UNC5D: variants seen among roughly 807,000 people sequenced by gnomAD.
The protein encoded by UNC5D is unc-5 netrin receptor D.
UNC5D carries 39 observed loss-of-function variants against 105.4 expected under a neutral mutation model. The observed-to-expected ratio is 0.37, with a 90% CI of 0.29 to 0.48. UNC5D has a LOEUF of 0.48. Ranked by LOEUF, UNC5D falls within the 20% of genes least tolerant of loss-of-function variation. The probability of loss-of-function intolerance (pLI) is 0.98; values close to 1 mark genes in which losing one functional copy is unlikely to be tolerated. For missense variants in UNC5D, 991 were observed against 1,202.4 expected, an observed-to-expected ratio of 0.82 and a Z score of 2.60; for synonymous variants, 452 against 450.4, an observed-to-expected ratio of 1.00 and a Z score of -0.04.
At chr8:35,721,326 A>G (rs967706287) in intron 8 of UNC5D, 48 of 677,180 alleles carry the variant, frequency 7.1e-5, no homozygotes, top group African/African-American at 6.3e-4. Context: ...TACAGGAATA[A>G]CCACATCCAA....
chr8:35,554,369 C>G (rs1361712551), intron 2 of UNC5D, among the ~76,000 whole-genome samples: 3 of 152,206 alleles, frequency 2.0e-5, no homozygotes, highest in Admixed American at 2.0e-4. Context: ...TAGTAATGTA[C>G]ACTTGCAGTT....
chr8:35,379,631 C>T (rs1006901048), intron 1 of UNC5D, among the ~76,000 whole-genome samples: 1 of 152,068 alleles, frequency 6.6e-6, no homozygotes, highest in African/African-American at 2.4e-5. Context: ...TCCTATGGAC[C>T]TATCCCTATC....
chr8:35,762,224 T>C (rs1179360180), intron 14 of UNC5D, among the ~76,000 whole-genome samples: 2 of 152,100 alleles, frequency 1.3e-5, no homozygotes, highest in Non-Finnish European at 1.5e-5. Context: ...GTTTTCCCTA[T>C]CAGACACCAG....
intron 1 of UNC5D, among the ~76,000 whole-genome samples, chr8:35,397,380 C>A (rs1441581118): frequency 6.6e-6 from 1 of 152,218 alleles, no homozygotes; most frequent in African/African-American, 2.4e-5. Flanking sequence ...TAAACCTTCA[C>A]AAAATACAAG....
At chr8:35,655,570 C>T (rs962148844) in intron 4 of UNC5D, among the ~76,000 whole-genome samples, 15 of 152,032 alleles carry the variant, frequency 9.9e-5, no homozygotes, top group Non-Finnish European at 2.1e-4. Flanking sequence ...TCAGAGATTC[C>T]CAAAGATAGA....
At chr8:35,386,098 T>C (rs1803378361) in intron 1 of UNC5D, among the ~76,000 whole-genome samples, 1 of 152,236 alleles carries the variant, frequency 6.6e-6, no homozygotes, top group African/African-American at 2.4e-5. Flanking sequence ...CCAACATTCA[T>C]GCTTAATTTA....
At position 35,384,952 on chromosome 8, in the gene UNC5D, A is replaced by G. The variant is rs145647961; in HGVS notation, c.103+149065A>G. Among the ~76,000 whole-genome samples, 413 of 152,306 alleles carry G rather than the reference A, an allele frequency of 2.7e-3. 2 individuals are homozygous for G. Among genetic ancestry groups the G allele is most frequent in the African/African-American group, 9.3e-3 (387 of 41,566 alleles). On this transcript the variant is annotated intron_variant, in intron 1 of 16. Transcript: ENST00000404895. ...TACATGGGAGCTCTCTGGGAGAGAC[A>G]CTAAAGTTGAGGTGGGGGAACATCA...
intron 1 of UNC5D, among the ~76,000 whole-genome samples, chr8:35,543,911 A>G (rs1370950490): frequency 6.6e-6 from 1 of 152,148 alleles, no homozygotes; most frequent in Non-Finnish European, 1.5e-5. Flanking sequence ...GGTTTTATGA[A>G]CTACACACTA....
In UNC5D at chr8:35,580,523, G is replaced by A. The variant is rs184656089; in HGVS notation, c.466+12282G>A. ...AAATGGTCAAGGGGTGAACACAGGA[G>A]AAGAATCCCATGAATAAGACTGAAA... On this transcript the variant is annotated intron_variant, in intron 3 of 16. Coordinates refer to ENST00000404895, the MANE Select transcript of UNC5D (RefSeq NM_080872.4). 1.7e-4 allele frequency among the ~76,000 whole-genome samples: 26 copies of A among 151,562 alleles called. No homozygotes were observed. In the South Asian group the frequency reaches 4.8e-3, roughly 28 times the overall value.
chr8:35,250,695 C>G (rs962932333), intron 1 of UNC5D, among the ~76,000 whole-genome samples: 1 of 152,072 alleles, frequency 6.6e-6, no homozygotes, highest in African/African-American at 2.4e-5. Context: ...CGGGGTTTCA[C>G]CATGTTGACC....
At chr8:35,715,365 T>C (rs1365623642) in intron 8 of UNC5D, among the ~76,000 whole-genome samples, 1 of 152,172 alleles carries the variant, frequency 6.6e-6, no homozygotes, top group Non-Finnish European at 1.5e-5. Flanking sequence ...TTACTACTTT[T>C]GGAGAGGTGG....
At chr8:35,592,460 T>A (rs1819231575) in intron 3 of UNC5D, among the ~76,000 whole-genome samples, 1 of 152,166 alleles carries the variant, frequency 6.6e-6, no homozygotes, top group Admixed American at 6.5e-5. Context: ...GGAGCTCATA[T>A]AGGTGATTAA....
intron 1 of UNC5D, among the ~76,000 whole-genome samples, chr8:35,482,253 C>T (rs1010884770): frequency 2.6e-5 from 4 of 152,130 alleles, no homozygotes; most frequent in African/African-American, 9.7e-5. Flanking sequence ...CCTTTTTCCT[C>T]CTGACTGTAA....
rs1466927177 is a variant in UNC5D at position 35,795,105 on chromosome 8, A to T, written c.*4542A>T. On this transcript the variant is annotated 3_prime_UTR_variant, in exon 17 of 17. Transcript: ENST00000404895. ...CCTCCATCTGACCCAAAGATAAAAAAGGCATCAAGCTTCATGGTTATGCCT... is the reference window on the plus strand; with the variant it reads ...CCTCCATCTGACCCAAAGATAAAAATGGCATCAAGCTTCATGGTTATGCCT... 1 of 152,206 alleles carries T rather than the reference A, an allele frequency of 6.6e-6. No homozygotes were observed. Among genetic ancestry groups the T allele is most frequent in the Non-Finnish European group, 1.5e-5 (1 of 68,032 alleles). The allele number at this position is 152,206 out of a possible 1,614,324, so 9.4% of individuals were successfully genotyped here. A position where few individuals can be genotyped will look rare whatever the true frequency, so the allele number is the denominator to read the frequency against.
chr8:35,407,966 T>C (rs978050205), intron 1 of UNC5D, among the ~76,000 whole-genome samples: 1 of 152,108 alleles, frequency 6.6e-6, no homozygotes, highest in Non-Finnish European at 1.5e-5. Context: ...AGCATTTAGG[T>C]TGATTTCATG....
intron 1 of UNC5D, among the ~76,000 whole-genome samples, chr8:35,246,770 C>T (rs371950005): frequency 6.6e-6 from 1 of 152,046 alleles, no homozygotes; most frequent in Non-Finnish European, 1.5e-5. Flanking sequence ...AATCAGGGAG[C>T]CAGTTGGTCC....
chr8:35,663,522 C>CT (rs1012859367), intron 4 of UNC5D, among the ~76,000 whole-genome samples: 1 of 152,116 alleles, frequency 6.6e-6, no homozygotes, highest in Non-Finnish European at 1.5e-5. Context: ...TGAAGGTGTT[C>CT]TTTTTCGGTA....
At chr8:35,512,928 A>C (rs1440164337) in intron 1 of UNC5D, among the ~76,000 whole-genome samples, 2 of 151,778 alleles carry the variant, frequency 1.3e-5, no homozygotes, top group Non-Finnish European at 2.9e-5. Flanking sequence ...CAATCTGCCT[A>C]CCTCAGCCTC....
At chr8:35,701,456 G>A (rs2131424856) in intron 7 of UNC5D, among the ~76,000 whole-genome samples, 1 of 152,256 alleles carries the variant, frequency 6.6e-6, no homozygotes, top group South Asian at 2.1e-4. Context: ...TTGTTCTCTA[G>A]TAGAGGCTGG....
Sources: gnomAD v4.1 joint callset for allele counts (sites outside exome capture counted in the v4.1 genomes callset) on GRCh38, gnomAD v4.1.1 for gene constraint, MANE v1.5 for transcripts, NCBI Gene and HGNC (gene_info 2026-07-23, HGNC 2026-07-21) for gene names.